Variants in BPIFB3 observed in about 807,000 individuals in gnomAD.
The protein encoded by BPIFB3 is BPI fold containing family B member 3.
A neutral mutation model predicts 53.1 loss-of-function variants in BPIFB3; 49 were observed. The observed-to-expected ratio is 0.92, with a 90% CI of 0.73 to 1.17. BPIFB3 has a LOEUF of 1.17. Among genes scored for constraint, BPIFB3 ranks in the 50% most tolerant of loss-of-function variants. The probability of loss-of-function intolerance (pLI) is 0.00; values close to 1 mark genes in which losing one functional copy is unlikely to be tolerated. For missense variants in BPIFB3, 628 were observed against 592.5 expected, an observed-to-expected ratio of 1.06 and a Z score of -0.62; for synonymous variants, 271 against 269.6, an observed-to-expected ratio of 1.01 and a Z score of -0.05.
rs985505478 is a variant in BPIFB3 at position 33,066,879 on chromosome 20, T to C, written c.978+2T>C. On this transcript the variant is annotated splice_donor_variant, in intron 9 of 14. Transcript: ENST00000375494. LOFTEE classifies it high-confidence loss of function. ...GACCTGGCAGCTTTGCTCCCTGAGG[T>C]GAGTGACGCTCTCATGGGTTTTGAT... The C allele has an allele frequency of 6.2e-7, 1 of 1,613,872 alleles. No individual in the cohort carries two copies.
chr20:33,059,576 C>A, intron 3 of BPIFB3, 94 bp downstream of exon 4: 1 of 886,812 alleles, frequency 1.1e-6, no homozygotes, highest in Non-Finnish European at 1.8e-6. Context: ...CACTCCCACC[C>A]CTCTGTATCC....
chr20:33,063,679 A>G lies in BPIFB3; in HGVS notation c.652+4A>G. Reference sequence around the variant, plus strand: ...GAGCTCCTGGGGGCTGTGCTGGGTAAGTCAGGGCTCAATGCCCTCCTCTTT... The same window carrying G: ...GAGCTCCTGGGGGCTGTGCTGGGTAGGTCAGGGCTCAATGCCCTCCTCTTT... On this transcript the variant is annotated splice_donor_region_variant and intron_variant, in intron 6 of 14. Coordinates refer to ENST00000375494, the Ensembl canonical transcript of BPIFB3. 1 of 1,613,462 alleles carries G rather than the reference A, an allele frequency of 6.2e-7. No individual in the cohort carries two copies. Among genetic ancestry groups the G allele is most frequent in the Non-Finnish European group, 8.5e-7 (1 of 1,179,694 alleles).
chr20:33,073,606 G>A (rs1980991498), exon 15 of BPIFB3: 2 of 1,613,880 alleles, frequency 1.2e-6, no homozygotes, highest in African/African-American at 1.3e-5. Flanking sequence ...GGCATCCTGA[G>A]GCTGAGACAT....
At chr20:33,066,024 T>G (rs1478956848) in intron 8 of BPIFB3, among the ~76,000 whole-genome samples, 1 of 152,180 alleles carries the variant, frequency 6.6e-6, no homozygotes, top group African/African-American at 2.4e-5. Flanking sequence ...GCATTGGGTG[T>G]TTGCATATGA....
At chr20:33,056,726 A>G (rs1302694263) in intron 2 of BPIFB3, 28 bp downstream of exon 3, 1 of 1,530,242 alleles carries the variant, frequency 6.5e-7, no homozygotes, top group Non-Finnish European at 8.7e-7. Flanking sequence ...CATGCCCTAC[A>G]GGAAGACTTG....
exon 2 of BPIFB3, chr20:33,056,613 G>A: frequency 6.2e-7 from 1 of 1,613,898 alleles, no homozygotes; most frequent in South Asian, 1.1e-5. Flanking sequence ...TGTGAACCGG[G>A]GCCTCTTGGG....
exon 5 of BPIFB3, chr20:33,061,800 A>T: frequency 6.2e-7 from 1 of 1,614,198 alleles, no homozygotes; most frequent in Admixed American, 1.7e-5. Context: ...GGGGTCGTGG[A>T]ACAGATGCTC....
At chr20:33,071,479 G>A (rs1980891151) in intron 12 of BPIFB3, among the ~76,000 whole-genome samples, 184 bp downstream of exon 13, 1 of 152,050 alleles carries the variant, frequency 6.6e-6, no homozygotes, top group African/African-American at 2.4e-5. Flanking sequence ...AGGGGGTGTG[G>A]GCAGTGGGGA....
At chr20:33,055,436 A>G in exon 1 of BPIFB3, 2 of 1,613,638 alleles carry the variant, frequency 1.2e-6, no homozygotes, top group Non-Finnish European at 1.7e-6. Context: ...GCAGCCAGTC[A>G]TGCTGGCCCT....
Position 33,063,692 on chromosome 20 carries a change from T to C in BPIFB3, c.652+17T>C. The C allele has an allele frequency of 6.2e-7, 1 of 1,612,326 alleles. No homozygotes were observed. Among genetic ancestry groups the C allele is most frequent in the East Asian group, 2.2e-5 (1 of 44,764 alleles). Reference sequence around the variant, plus strand: ...CTGTGCTGGGTAAGTCAGGGCTCAATGCCCTCCTCTTTGCCCCTTCTACCC... The same window carrying C: ...CTGTGCTGGGTAAGTCAGGGCTCAACGCCCTCCTCTTTGCCCCTTCTACCC... On this transcript the variant is annotated intron_variant, in intron 6 of 14. Coordinates refer to ENST00000375494, the Ensembl canonical transcript of BPIFB3.
chr20:33,059,312 ACT>A (rs1209867684), intron 2 of BPIFB3, 64 bp from the exon 4 acceptor site: 4 of 1,263,574 alleles, frequency 3.2e-6, no homozygotes, highest in Non-Finnish European at 4.5e-6. Context: ...ACCAAGAGCC[ACT>A]CTGGGCGCCG....
chr20:33,061,841 C>A lies in BPIFB3; in HGVS notation c.591+10C>A, dbSNP rs75603797. On this transcript the variant is annotated intron_variant, in intron 5 of 14. Transcript: ENST00000375494. ...GGTGCTTCCGGGACTGGTGAGTGTG[C>A]GGGCCGTGTGCCAGCATGCCCTCTC... 1 of 1,613,970 alleles carries A rather than the reference C, an allele frequency of 6.2e-7. No homozygotes were observed. Among genetic ancestry groups the A allele is most frequent in the Admixed American group, 1.7e-5 (1 of 60,022 alleles).
rs527358032 is a variant in BPIFB3, at chr20:33,063,739, G to T, written c.652+64G>T. ...ACCCGTCTCTGTATGACCCCAATGG[G>T]GTAGGGTACGAAGGGGAGCCAGAAG... On this transcript the variant is annotated intron_variant, in intron 6 of 14. Coordinates refer to ENST00000375494, the Ensembl canonical transcript of BPIFB3. 3.2e-4 allele frequency: 487 copies of T among 1,540,748 alleles called. 1 individual carries two copies. The highest frequency in any genetic ancestry group is 3.8e-4 in the Non-Finnish European group (430 of 1,128,010).
chr20:33,055,558 G>A lies in BPIFB3; in HGVS notation c.124+11G>A. 6.2e-7 allele frequency: 1 copy of A among 1,613,428 alleles called. No homozygotes were observed. Among genetic ancestry groups the A allele is most frequent in the Admixed American group, 1.7e-5 (1 of 60,032 alleles). ...ATGAACTCGGCAAAGGTGAGCCCCA[G>A]GTGGGCAGTCTGTGAGGGGGCTGCT... On this transcript the variant is annotated intron_variant, in intron 1 of 14. Transcript: ENST00000375494.
intron 8 of BPIFB3, among the ~76,000 whole-genome samples, chr20:33,065,563 G>C (rs199639101): frequency 1.7e-5 from 1 of 57,840 alleles, no homozygotes. Context: ...AAAAGAAAAA[G>C]AAAGAAAGAG....
At chr20:33,063,086 A>G (rs1301203260) in intron 5 of BPIFB3, among the ~76,000 whole-genome samples, 2 of 152,102 alleles carry the variant, frequency 1.3e-5, no homozygotes, top group Admixed American at 1.3e-4. Context: ...TGAAAGTTGA[A>G]CCACTTGCTC....
chr20:33,055,011 C>T (rs990272506), upstream of BPIFB3, among the ~76,000 whole-genome samples: 3 of 152,242 alleles, frequency 2.0e-5, no homozygotes, highest in Non-Finnish European at 4.4e-5. Context: ...GGGGAAGCCC[C>T]TCTGTCTGCA....
upstream of BPIFB3, among the ~76,000 whole-genome samples, chr20:33,054,739 T>A (rs1179345227): frequency 6.6e-6 from 1 of 151,904 alleles, no homozygotes; most frequent in East Asian, 1.9e-4. Context: ...TGGGCATAGA[T>A]GGATATGTGA....
exon 10 of BPIFB3, chr20:33,068,945 C>G (rs749094982): frequency 6.2e-7 from 1 of 1,613,814 alleles, no homozygotes; most frequent in African/African-American, 1.3e-5. Context: ...CCTAAGGGGA[C>G]CCCTGAATCC....
Sources: gnomAD v4.1 joint callset for allele counts (sites outside exome capture counted in the v4.1 genomes callset) on GRCh38, gnomAD v4.1.1 for gene constraint, MANE v1.5 for transcripts, NCBI Gene and HGNC (gene_info 2026-07-23, HGNC 2026-07-21) for gene names.